CNTROB: variants seen among roughly 807,000 people sequenced by gnomAD.
CNTROB encodes centrobin, centriole duplication and spindle assembly protein.
Under a neutral mutation model 115.7 loss-of-function variants are expected in CNTROB, and 82 were observed. The observed-to-expected ratio is 0.71, with a 90% CI of 0.59 to 0.85. The LOEUF (loss-of-function observed/expected upper bound fraction) is 0.85. Ranked by LOEUF, CNTROB falls within the 40% of genes least tolerant of loss-of-function variation. The probability of loss-of-function intolerance (pLI) is 0.00; values close to 1 mark genes in which losing one functional copy is unlikely to be tolerated. For missense variants in CNTROB, 1,014 were observed against 1,144.4 expected (o/e 0.89, Z 1.64); for synonymous variants, 439 against 456.4 (o/e 0.96, Z 0.49).
rs568399799 is a variant in CNTROB, at chr17:7,944,836, C to T, written c.1734+198C>T. 1.3e-5 allele frequency among the ~76,000 whole-genome samples: 2 copies of T among 152,246 alleles called. No individual in the cohort carries two copies. The highest frequency in any genetic ancestry group is 4.8e-5 in the African/African-American group (2 of 41,536). On this transcript the variant is annotated intron_variant, in intron 12 of 18. Transcript: ENST00000563694. This position sits in a 1 kb window ranked among gnomAD's most constrained non-coding sequence, Gnocchi z 4.0. Reference sequence around the variant, plus strand: ...GGGATTCCAGGCATAAGCTACCATGCCCAGCAAGAACTGTGTTCTAGATTC... The same window carrying T: ...GGGATTCCAGGCATAAGCTACCATGTCCAGCAAGAACTGTGTTCTAGATTC...
At chr17:7,933,539 A>G (rs1054361324) in intron 1 of CNTROB, among the ~76,000 whole-genome samples, 190 bp downstream of exon 1, 8 of 152,222 alleles carry the variant, frequency 5.3e-5, no homozygotes, top group Non-Finnish European at 1.2e-4. Context: ...TTTGAAAATT[A>G]TGAAACTTCC....
intron 1 of CNTROB, 135 bp downstream of exon 1, chr17:7,933,484 A>G (rs2151730730): frequency 2.1e-6 from 2 of 948,898 alleles, no homozygotes; most frequent in East Asian, 5.3e-5. Context: ...TTAACTGCAT[A>G]GGCAGCCATG....
intron 9 of CNTROB, among the ~76,000 whole-genome samples, chr17:7,941,167 C>G (rs137957729): frequency 1.3e-5 from 2 of 149,592 alleles, no homozygotes; most frequent in East Asian, 4.0e-4. Flanking sequence ...AGAATTTTGA[C>G]CTTTATGGGC....
In CNTROB at chr17:7,933,055, C is replaced by G; in HGVS notation, c.-25C>G. The G allele has an allele frequency of 3.1e-6, 5 of 1,607,124 alleles. No individual in the cohort carries two copies. Among genetic ancestry groups the G allele is most frequent in the Non-Finnish European group, 4.2e-6 (5 of 1,176,704 alleles). On this transcript the variant is annotated 5_prime_UTR_variant, in exon 1 of 19. Transcript: ENST00000563694. The stretch of plus-strand genomic sequence containing the variant: ...GCAGAACCTCCCAGCTCTTTGCTGT[C>G]TCCGGTTGTCTCTTCCCTGTATTCA...
At chr17:7,946,127 C>T in intron 13 of CNTROB, 141 bp downstream of exon 13, 1 of 732,190 alleles carries the variant, frequency 1.4e-6, no homozygotes, top group South Asian at 1.7e-5. Flanking sequence ...GAGCAGAAAT[C>T]TGCTCACATT....
rs763407588 is a variant in CNTROB at position 7,933,168 on chromosome 17, T to A, written c.89T>A (p.Val30Glu). ...DSSEPPGLNQ[V>E]SSEVTSQLYA... The stretch of plus-strand genomic sequence containing the variant: ...TCAGAACCCCCTGGGCTCAACCAAG[T>A]GTCGTCTGAAGTGACCTCCCAGCTC... Residue 30 changes from valine (V) to glutamate (E), a missense_variant, in exon 1 of 19, where the codon GTG (valine) becomes GAG (glutamate). By Grantham distance (121) the Val-to-Glu change is moderately radical. Transcript: ENST00000563694. 6 of 1,613,994 alleles carry A rather than the reference T, an allele frequency of 3.7e-6. No individual in the cohort carries two copies. Among genetic ancestry groups the A allele is most frequent in the Non-Finnish European group, 4.2e-6 (5 of 1,180,034 alleles).
At chr17:7,940,531 A>G (rs1973735436) in intron 9 of CNTROB, among the ~76,000 whole-genome samples, 1 of 152,218 alleles carries the variant, frequency 6.6e-6, no homozygotes, top group African/African-American at 2.4e-5. Flanking sequence ...CACCACACTT[A>G]GTGGGTTGAC....
chr17:7,942,662 A>T (rs1228065089), intron 9 of CNTROB, among the ~76,000 whole-genome samples: 2 of 150,814 alleles, frequency 1.3e-5, no homozygotes, highest in Non-Finnish European at 3.0e-5. Context: ...CGTGGAAATC[A>T]GATTTTAGTG....
rs1394395567 is a variant in CNTROB at position 7,944,604 on chromosome 17, T to C, written c.1700T>C (p.Leu567Pro). ...LQAHWDEANQ[L>P]LSTTLPPPNP... is the part of the protein sequence containing the mutation. Reference sequence around the variant, plus strand: ...GCCCACTGGGATGAGGCCAACCAGCTGCTCAGCACCACTCTCCCGCCGCCC... The same window carrying C: ...GCCCACTGGGATGAGGCCAACCAGCCGCTCAGCACCACTCTCCCGCCGCCC... The change falls in exon 12 of 19, where the codon CTG becomes CCG. Residue 567 changes from leucine (L) to proline (P), a missense_variant. Physicochemically the swap from Leu to Pro is moderately conservative, Grantham distance 98. Coordinates refer to ENST00000563694, the MANE Select transcript of CNTROB (RefSeq NM_053051.5). The surrounding 1 kb of genome is among the most constrained non-coding windows in gnomAD (Gnocchi z 4.0). 1 of 1,613,288 alleles carries C rather than the reference T, an allele frequency of 6.2e-7. No individual in the cohort carries two copies.
Position 7,948,255 on chromosome 17 carries a change from C to G in CNTROB, c.2308C>G (p.Leu770Val). 6.2e-7 allele frequency: 1 copy of G among 1,614,188 alleles called. No individual in the cohort carries two copies. The highest frequency in any genetic ancestry group is 8.5e-7 in the Non-Finnish European group (1 of 1,180,034). ...AGTTCCCTTAGCCATGGCATCCAGT[C>G]TTTTCCGGGTCCCTGAGCCTCCCTC... ...TKVPLAMASS[L>V]FRVPEPPSSH... is the part of the protein sequence containing the mutation. The change falls in exon 16 of 19, where the codon CTT becomes GTT. Residue 770 changes from leucine (L) to valine (V), a missense_variant. Leu to Val is a conservative substitution (Grantham distance 32). Transcript: ENST00000563694. The surrounding 1 kb of genome is among the most constrained non-coding windows in gnomAD (Gnocchi z 4.4).
rs183526572 is a variant in CNTROB at position 7,939,330 on chromosome 17, G to C, written c.928-183G>C. On this transcript the variant is annotated intron_variant, in intron 7 of 18. Transcript: ENST00000563694. This position sits in a 1 kb window ranked among gnomAD's most constrained non-coding sequence, Gnocchi z 4.4. ...GCTGGTCTCAAACTCCTGACCTCAG[G>C]TAATCTGCCTGCCTTGGCCTCCCAA... Among the ~76,000 whole-genome samples the C allele has an allele frequency of 6.6e-6, 1 of 151,926 alleles. No homozygotes were observed. The highest frequency in any genetic ancestry group is 2.4e-5 in the African/African-American group (1 of 41,346).
At chr17:7,933,399 T>C (rs761421218) in intron 1 of CNTROB, 50 bp downstream of exon 1, 3 of 1,538,668 alleles carry the variant, frequency 1.9e-6, no homozygotes, top group East Asian at 4.5e-5. Context: ...CACCAGAGAG[T>C]CTTGGGATTG....
chr17:7,932,121 T>C, upstream of CNTROB: 1 of 492,548 alleles, frequency 2.0e-6, no homozygotes. Flanking sequence ...GGCCAGGCGC[T>C]CGGGATACAG....
Position 7,937,242 on chromosome 17 carries a change from C to G in CNTROB, c.907C>G (p.Gln303Glu), listed in dbSNP as rs1410734293. The G allele has an allele frequency of 6.2e-7, 1 of 1,614,132 alleles. No individual in the cohort carries two copies. Residue 303 changes from glutamine to glutamate, a missense_variant, in exon 7 of 19, where the codon CAA becomes GAA. Gln to Glu is a conservative substitution (Grantham distance 29). Transcript: ENST00000563694. ...TGAGCAGGAAAGTGCCAGACTGCAG[C>G]AACGGGAAAGAGAGACACTGGTGAG... is the stretch of plus-strand genomic sequence containing the variant. ...NREQESARLQ[Q>E]RERETLEEER...
At chr17:7,947,031 G>C (rs994051786) in intron 13 of CNTROB, among the ~76,000 whole-genome samples, 3 of 151,922 alleles carry the variant, frequency 2.0e-5, no homozygotes, top group Admixed American at 6.5e-5. Context: ...CGTGGTGGCA[G>C]GCATCTGTAG....
In CNTROB at chr17:7,948,246, G is replaced by T. The variant is rs1377210476; in HGVS notation, c.2299G>T (p.Ala767Ser). 2 of 1,614,106 alleles carry T rather than the reference G, an allele frequency of 1.2e-6. No individual in the cohort carries two copies. The highest frequency in any genetic ancestry group is 2.2e-5 in the East Asian group (1 of 44,888). Residue 767 changes from alanine (A) to serine (S), a missense_variant, in exon 16 of 19, where the codon GCA (alanine) becomes TCA (serine). Coordinates refer to ENST00000563694, the MANE Select transcript of CNTROB (RefSeq NM_053051.5). The surrounding 1 kb of genome is among the most constrained non-coding windows in gnomAD (Gnocchi z 4.4). ...VHKTKVPLAM[A>S]SSLFRVPEPP... ...CAAAACCAAAGTTCCCTTAGCCATG[G>T]CATCCAGTCTTTTCCGGGTCCCTGA...
rs2151785721 is a variant in CNTROB at position 7,948,795 on chromosome 17, C to T, written c.2513+176C>T. The T allele has an allele frequency of 2.7e-6, 4 of 1,509,056 alleles. No homozygotes were observed. Among genetic ancestry groups the T allele is most frequent in the African/African-American group, 1.4e-5 (1 of 71,662 alleles). The allele number at this position is 1,509,056 out of a possible 1,614,324, so 93.5% of individuals were successfully genotyped here. ...CTGCCCCACACTTTTCTTTTATCTCCTCCTTTCTATTGCTTTTTTCTTCTA... is the reference window on the plus strand; with the variant it reads ...CTGCCCCACACTTTTCTTTTATCTCTTCCTTTCTATTGCTTTTTTCTTCTA... On this transcript the variant is annotated intron_variant, in intron 17 of 18. Transcript: ENST00000563694. The surrounding 1 kb of genome is among the most constrained non-coding windows in gnomAD (Gnocchi z 4.4).
Position 7,943,507 on chromosome 17 carries a change from C to T in CNTROB, c.1428C>T (p.Ser476=). ...AQESSLRQAA[S]LREHHRKQLQ... is the part of the protein sequence containing the mutation. The stretch of plus-strand genomic sequence containing the variant: ...AGAGCAGCCTACGGCAAGCAGCCTC[C>T]CTCAGGGAACATCACAGGTACGTGG... The change falls in exon 10 of 19, where the codon TCC becomes TCT. Residue 476 remains serine (S), a synonymous_variant. Coordinates refer to ENST00000563694, the MANE Select transcript of CNTROB (RefSeq NM_053051.5). This position sits in a 1 kb window ranked among gnomAD's most constrained non-coding sequence, Gnocchi z 4.7. The T allele has an allele frequency of 6.2e-7, 1 of 1,613,108 alleles. No homozygotes were observed. The highest frequency in any genetic ancestry group is 8.5e-7 in the Non-Finnish European group (1 of 1,179,354).
In CNTROB at chr17:7,944,710, C is replaced by A. The variant is rs1974317691; in HGVS notation, c.1734+72C>A. The A allele has an allele frequency of 1.3e-6, 2 of 1,525,174 alleles. No homozygotes were observed. Among genetic ancestry groups the A allele is most frequent in the East Asian group, 4.5e-5 (2 of 44,112 alleles). 94.5% of individuals were successfully genotyped at this position (1,525,174 alleles called of 1,614,324 possible). A position where few individuals can be genotyped will look rare whatever the true frequency, so the allele number is the denominator to read the frequency against. The stretch of plus-strand genomic sequence containing the variant: ...TATTTTTATTTTTGAGACAGGGTCT[C>A]ACTCTTGCCCAGGCTGGAGTGTACT... On this transcript the variant is annotated intron_variant, in intron 12 of 18. Coordinates refer to ENST00000563694, the MANE Select transcript of CNTROB (RefSeq NM_053051.5). This position sits in a 1 kb window ranked among gnomAD's most constrained non-coding sequence, Gnocchi z 4.0.
Sources: gnomAD v4.1 joint callset for allele counts (sites outside exome capture counted in the v4.1 genomes callset) on GRCh38, gnomAD v4.1.1 for gene constraint, Gnocchi (gnomAD v3.1) non-coding constraint, MANE v1.5 for transcripts, NCBI Gene and HGNC (gene_info 2026-07-23, HGNC 2026-07-21) for gene names.